RABGAP1L: variants seen among roughly 807,000 people sequenced by gnomAD.
The protein encoded by RABGAP1L is RAB GTPase activating protein 1 like.
A neutral mutation model predicts 137.7 loss-of-function variants in RABGAP1L; 63 were observed. The ratio of observed to expected loss-of-function variants is 0.46; its 90% CI spans 0.37 to 0.56. The LOEUF is 0.56. Among genes scored for constraint, RABGAP1L ranks in the 20% least tolerant of loss-of-function variants. RABGAP1L has a pLI of 0.00. For missense variants in RABGAP1L, 1,095 were observed against 1,244.0 expected, an observed-to-expected ratio of 0.88 and a Z score of 1.80; for synonymous variants, 431 against 433.7, an observed-to-expected ratio of 0.99 and a Z score of 0.08.
chr1:174,903,082 G>T (rs55741955), intron 19 of RABGAP1L, among the ~76,000 whole-genome samples: 2 of 151,988 alleles, frequency 1.3e-5, no homozygotes, highest in Admixed American at 1.3e-4. Context: ...TTTCCATTGT[G>T]TGCATCTTCT....
At chr1:174,486,506 C>G (rs1659672522) in intron 13 of RABGAP1L, among the ~76,000 whole-genome samples, 1 of 151,788 alleles carries the variant, frequency 6.6e-6, no homozygotes, top group Non-Finnish European at 1.5e-5. Context: ...GCCACCACAC[C>G]CAGCTAATTT....
At chr1:174,585,242 G>A (rs570564728) in intron 13 of RABGAP1L, among the ~76,000 whole-genome samples, 8 of 152,006 alleles carry the variant, frequency 5.3e-5, no homozygotes, top group Non-Finnish European at 7.4e-5. Flanking sequence ...CTTTTTGACA[G>A]TATTGATTCT....
In RABGAP1L at chr1:174,646,608, C is replaced by T. The variant is rs1044903151; in HGVS notation, c.1824+9120C>T. 7.2e-5 allele frequency among the ~76,000 whole-genome samples: 11 copies of T among 152,306 alleles called. No individual in the cohort carries two copies. In the South Asian group the frequency reaches 1.4e-3, roughly 20 times the overall value. Reference sequence around the variant, plus strand: ...TACCAGTACCATGCTGTTTTCGTTACTGTAGCCTTGTATTATAGTTTGAAA... The same window carrying T: ...TACCAGTACCATGCTGTTTTCGTTATTGTAGCCTTGTATTATAGTTTGAAA... On this transcript the variant is annotated intron_variant, in intron 14 of 25. Transcript: ENST00000681986.
At chr1:174,649,026 TGC>T (rs1675231109) in intron 14 of RABGAP1L, among the ~76,000 whole-genome samples, 3 of 152,164 alleles carry the variant, frequency 2.0e-5, no homozygotes, top group South Asian at 4.1e-4. Context: ...TTGCCACCCC[TGC>T]TTTTTTTTGC....
chr1:174,365,556 C>T (rs1487720943), intron 11 of RABGAP1L, among the ~76,000 whole-genome samples: 5 of 152,112 alleles, frequency 3.3e-5, no homozygotes, highest in Non-Finnish European at 7.4e-5. Flanking sequence ...TCCAAATGCT[C>T]CCTCTGTGTG....
At chr1:174,607,942 G>GA (rs1001494994) in intron 13 of RABGAP1L, among the ~76,000 whole-genome samples, 2 of 152,178 alleles carry the variant, frequency 1.3e-5, no homozygotes, top group African/African-American at 4.8e-5. Context: ...CAACCCTTAC[G>GA]AAAGTGTGAT....
At chr1:174,811,802 T>C (rs372249980) in intron 18 of RABGAP1L, 30 bp from the exon 19 acceptor site, 19 of 1,507,460 alleles carry the variant, frequency 1.3e-5, no homozygotes, top group Non-Finnish European at 1.6e-5. Context: ...GGCTGAAATG[T>C]AATGACGATT....
chr1:174,535,263 T>A (rs1226346469), intron 13 of RABGAP1L, among the ~76,000 whole-genome samples: 1 of 152,132 alleles, frequency 6.6e-6, no homozygotes, highest in Non-Finnish European at 1.5e-5. Flanking sequence ...AATGAAAATC[T>A]CTTTGTATCT....
At position 174,441,666 on chromosome 1, in the gene RABGAP1L, G is replaced by A. The variant is rs1173821678; in HGVS notation, c.1710+47521G>A. 3.3e-5 allele frequency among the ~76,000 whole-genome samples: 5 copies of A among 152,180 alleles called. No homozygotes were observed. The East Asian group carries it at 9.7e-4, about 29-fold the overall frequency. ...GGAGAATTGCTTGAACCTGGGAGGT[G>A]AAGGTTGCAGTGAGCCGAGATCATG... On this transcript the variant is annotated intron_variant, in intron 13 of 25. Coordinates refer to ENST00000681986, the MANE Select transcript of RABGAP1L (RefSeq NM_001366446.1).
At chr1:174,721,434 G>C (rs1404830380) in intron 17 of RABGAP1L, among the ~76,000 whole-genome samples, 1 of 152,156 alleles carries the variant, frequency 6.6e-6, no homozygotes, top group Admixed American at 6.6e-5. Flanking sequence ...TTATTTTGGG[G>C]ATGAAAACCT....
At chr1:174,176,277 A>G (rs1665840742) in intron 1 of RABGAP1L, among the ~76,000 whole-genome samples, 1 of 152,206 alleles carries the variant, frequency 6.6e-6, no homozygotes, top group Non-Finnish European at 1.5e-5. Context: ...GTAACCTGTT[A>G]CATTTAAAAT....
intron 13 of RABGAP1L, among the ~76,000 whole-genome samples, chr1:174,517,658 AGT>A (rs1235098604): frequency 6.6e-6 from 1 of 152,210 alleles, no homozygotes; most frequent in East Asian, 1.9e-4. Flanking sequence ...ATTTGATTAT[AGT>A]AGACTCTTCC....
At chr1:174,440,104 C>A (rs908939270) in intron 13 of RABGAP1L, among the ~76,000 whole-genome samples, 2 of 152,016 alleles carry the variant, frequency 1.3e-5, no homozygotes, top group Non-Finnish European at 2.9e-5. Context: ...GGGAACATAG[C>A]AAATATATTT....
chr1:174,763,215 C>G (rs1374291861), intron 18 of RABGAP1L, among the ~76,000 whole-genome samples: 1 of 152,042 alleles, frequency 6.6e-6, no homozygotes, highest in Non-Finnish European at 1.5e-5. Context: ...CATAAAATTC[C>G]CTTTAAAAAT....
At chr1:174,393,322 A>G (rs959492862) in intron 12 of RABGAP1L, among the ~76,000 whole-genome samples, 11 of 152,164 alleles carry the variant, frequency 7.2e-5, no homozygotes, top group African/African-American at 2.2e-4. Context: ...TAGAAAACCT[A>G]TCTTAGGTTG....
chr1:174,937,696 G>GTTGT (rs1229043973), intron 19 of RABGAP1L, among the ~76,000 whole-genome samples: 204 of 19,954 alleles, frequency 0.01, 2 homozygotes, highest in African/African-American at 0.05. Flanking sequence ...GTTTTGTTTT[G>GTTGT]TTGTTTGTTT....
At chr1:174,852,283 A>G (rs1648496625) in intron 19 of RABGAP1L, among the ~76,000 whole-genome samples, 1 of 152,148 alleles carries the variant, frequency 6.6e-6, no homozygotes, top group Admixed American at 6.5e-5. Context: ...CTGAGTAGAA[A>G]AGCACACAAC....
chr1:174,719,890 G>A (rs1161365109), intron 17 of RABGAP1L, among the ~76,000 whole-genome samples: 2 of 152,114 alleles, frequency 1.3e-5, no homozygotes, highest in Non-Finnish European at 2.9e-5. Flanking sequence ...TACTTTAGAA[G>A]CCCATATTGC....
At chr1:174,563,217 C>T (rs1019008875) in intron 13 of RABGAP1L, among the ~76,000 whole-genome samples, 3 of 152,000 alleles carry the variant, frequency 2.0e-5, no homozygotes, top group South Asian at 2.1e-4. Flanking sequence ...TGCACTGAGT[C>T]GTGAGCTGTA....
Sources: allele counts gnomAD v4.1 joint callset (sites outside exome capture counted in the v4.1 genomes callset), GRCh38; gene constraint gnomAD v4.1.1; transcripts MANE v1.5; gene names NCBI Gene and HGNC (gene_info 2026-07-23, HGNC 2026-07-21).